CAP2: variants seen among roughly 807,000 people sequenced by gnomAD.
The protein encoded by CAP2 is cyclase associated actin cytoskeleton regulatory protein 2.
Under a neutral mutation model 57.7 loss-of-function variants are expected in CAP2, and 24 were observed. The ratio of observed to expected loss-of-function variants is 0.42; its 90% CI spans 0.30 to 0.58. The LOEUF is 0.58. CAP2 is among the 20% of genes least tolerant of loss of function. CAP2 has a pLI of 0.22. For missense variants in CAP2, 501 were observed against 590.3 expected, an observed-to-expected ratio of 0.85 and a Z score of 1.57; for synonymous variants, 194 against 207.2, an observed-to-expected ratio of 0.94 and a Z score of 0.55.
intron 7 of CAP2, among the ~76,000 whole-genome samples, chr6:17,522,819 A>G (rs2113677399): frequency 6.6e-6 from 1 of 152,318 alleles, no homozygotes; most frequent in African/African-American, 2.4e-5. Flanking sequence ...TTTTTGAGAC[A>G]GAGTCTCACT....
chr6:17,551,032 A>G (rs1284689325), intron 11 of CAP2, among the ~76,000 whole-genome samples: 1 of 152,248 alleles, frequency 6.6e-6, no homozygotes, highest in African/African-American at 2.4e-5. Flanking sequence ...AAGTGACAAC[A>G]TTAGAACTTG....
intron 1 of CAP2, among the ~76,000 whole-genome samples, chr6:17,403,291 T>C (rs1015599840): frequency 3.3e-5 from 5 of 152,122 alleles, no homozygotes; most frequent in African/African-American, 1.2e-4. Context: ...TTAGTAGAGA[T>C]GGGGTTTTAC....
intron 3 of CAP2, among the ~76,000 whole-genome samples, chr6:17,437,438 A>T (rs1759924797): frequency 6.6e-6 from 1 of 152,192 alleles, no homozygotes; most frequent in Admixed American, 6.5e-5. Flanking sequence ...TCAGCAATGG[A>T]TGAGTGTGTC....
intron 1 of CAP2, among the ~76,000 whole-genome samples, chr6:17,404,695 T>A (rs1373093534): frequency 7.2e-6 from 1 of 139,460 alleles, no homozygotes; most frequent in Non-Finnish European, 1.5e-5. Flanking sequence ...TGCTTGAACC[T>A]GGGAGGTGGA....
At chr6:17,482,183 T>C (rs1761304751) in intron 4 of CAP2, among the ~76,000 whole-genome samples, 1 of 152,118 alleles carries the variant, frequency 6.6e-6, no homozygotes. Flanking sequence ...AACACAAAGT[T>C]AGTGGCTTAA....
intron 3 of CAP2, among the ~76,000 whole-genome samples, chr6:17,430,346 A>G (rs1413683109): frequency 6.6e-6 from 1 of 152,246 alleles, no homozygotes; most frequent in Non-Finnish European, 1.5e-5. Flanking sequence ...AAGAAACTTG[A>G]CACAGCTTGC....
At chr6:17,423,798 A>G (rs141878827) in intron 2 of CAP2, among the ~76,000 whole-genome samples, 4 of 152,344 alleles carry the variant, frequency 2.6e-5, no homozygotes, top group Non-Finnish European at 5.9e-5. Flanking sequence ...ATTTTCTCAT[A>G]TAACAAATCG....
intron 3 of CAP2, among the ~76,000 whole-genome samples, chr6:17,430,130 G>T (rs1453328539): frequency 6.6e-6 from 1 of 152,162 alleles, no homozygotes; most frequent in Non-Finnish European, 1.5e-5. Context: ...CGTCTGTCTC[G>T]ATGTGTTGGC....
intron 11 of CAP2, among the ~76,000 whole-genome samples, chr6:17,544,745 G>T (rs1763000974): frequency 6.6e-6 from 1 of 152,246 alleles, no homozygotes; most frequent in African/African-American, 2.4e-5. Context: ...AATAGAGACA[G>T]GGTTTCGCCA....
rs1477393357 is a variant in CAP2, at chr6:17,556,989, A to C, written c.*547A>C. ...AACCCACGCTTGTAAAAGACATAAGAGTTTATAAAGGACCAAATTCAGTTC... is the reference window on the plus strand; with the variant it reads ...AACCCACGCTTGTAAAAGACATAAGCGTTTATAAAGGACCAAATTCAGTTC... On this transcript the variant is annotated 3_prime_UTR_variant, in exon 13 of 13. Transcript: ENST00000229922. 1.0e-5 allele frequency: 1 copy of C among 97,366 alleles called. No homozygotes were observed. Among genetic ancestry groups the C allele is most frequent in the East Asian group, 3.2e-4 (1 of 3,094 alleles). The allele number at this position is 97,366 out of a possible 1,614,324, so 6.0% of individuals were successfully genotyped here. A position where few individuals can be genotyped will look rare whatever the true frequency, so the allele number is the denominator to read the frequency against.
intron 8 of CAP2, among the ~76,000 whole-genome samples, chr6:17,540,114 C>T (rs907610945): frequency 6.6e-6 from 1 of 152,148 alleles, no homozygotes; most frequent in Non-Finnish European, 1.5e-5. Flanking sequence ...ATTAGCTCCT[C>T]TGTCCTGAAG....
chr6:17,539,614 C>T (rs1762853029), intron 8 of CAP2, among the ~76,000 whole-genome samples, 156 bp downstream of exon 8: 1 of 152,170 alleles, frequency 6.6e-6, no homozygotes, highest in Non-Finnish European at 1.5e-5. Flanking sequence ...CAGGAGCCTG[C>T]CATGTTCCTT....
At chr6:17,407,804 C>CAAAAAAAAAAAAAAAAAAAAAAA (rs1759022997) in intron 1 of CAP2, among the ~76,000 whole-genome samples, 2 of 114,264 alleles carry the variant, frequency 1.8e-5, no homozygotes. Context: ...AAAAAAAAAT[C>CAAAAAAAAAAAAAAAAAAAAAAA]AAAGTCAAGT....
At chr6:17,406,051 T>C (rs1209766624) in intron 1 of CAP2, among the ~76,000 whole-genome samples, 3 of 151,842 alleles carry the variant, frequency 2.0e-5, no homozygotes, top group Non-Finnish European at 4.4e-5. Flanking sequence ...TGAGCAGTGG[T>C]TTATATCTAC....
At chr6:17,462,032 A>C (rs1383536475) in intron 3 of CAP2, among the ~76,000 whole-genome samples, 1 of 147,888 alleles carries the variant, frequency 6.8e-6, no homozygotes, top group Non-Finnish European at 1.5e-5. Context: ...AATTAACATA[A>C]CAAAAAAAGA....
At chr6:17,467,159 T>C (rs1466266088) in intron 4 of CAP2, among the ~76,000 whole-genome samples, 1 of 152,174 alleles carries the variant, frequency 6.6e-6, no homozygotes, top group Non-Finnish European at 1.5e-5. Context: ...GAGTGGTCGG[T>C]TGTGGCTCAC....
chr6:17,491,442 G>T (rs1275682564), intron 4 of CAP2, among the ~76,000 whole-genome samples: 1 of 152,126 alleles, frequency 6.6e-6, no homozygotes, highest in Admixed American at 6.6e-5. Flanking sequence ...AGTATTTGAG[G>T]TCAGTAAAAT....
At chr6:17,491,828 T>C (rs1431533467) in intron 4 of CAP2, among the ~76,000 whole-genome samples, 2 of 152,204 alleles carry the variant, frequency 1.3e-5, no homozygotes, top group East Asian at 3.9e-4. Context: ...ATATATAGAA[T>C]ACAAAGTACA....
At chr6:17,476,619 C>T (rs1377607990) in intron 4 of CAP2, among the ~76,000 whole-genome samples, 1 of 152,128 alleles carries the variant, frequency 6.6e-6, no homozygotes, top group Non-Finnish European at 1.5e-5. Context: ...GGAGGGCTCC[C>T]TTGGCACTGG....
Sources: gnomAD v4.1 joint callset for allele counts (sites outside exome capture counted in the v4.1 genomes callset) on GRCh38, gnomAD v4.1.1 for gene constraint, MANE v1.5 for transcripts, NCBI Gene and HGNC (gene_info 2026-07-23, HGNC 2026-07-21) for gene names.